MEG3: variants seen among roughly 807,000 people sequenced by gnomAD.
MEG3 encodes the protein Very putative protein from MEG3 locus.
At chr14:100,836,449 G>T in intron 2 of MEG3, 2 of 409,046 alleles carry the variant, frequency 4.9e-6, no homozygotes, top group Admixed American at 6.9e-5. Context: ...GGGGTCTGGG[G>T]GCCGGAGAGC....
chr14:100,852,774 AG>A (rs1409577568), upstream of MEG3: 1 of 223,324 alleles, frequency 4.5e-6, no homozygotes, highest in African/African-American at 2.3e-5. Flanking sequence ...GGAAATTGGA[AG>A]GAACAAGCGA....
At chr14:100,827,988 G>A (rs1003408320) in intron 1 of MEG3, among the ~76,000 whole-genome samples, 17 of 152,180 alleles carry the variant, frequency 1.1e-4, no homozygotes, top group African/African-American at 3.4e-4. Context: ...CGGTGGCTGG[G>A]GGCGCAGGAG....
chr14:100,832,996 G>T (rs2037441677), downstream of MEG3: 1 of 152,238 alleles, frequency 6.6e-6, no homozygotes, highest in African/African-American at 2.4e-5. Flanking sequence ...ACTCACTCAA[G>T]ATCACCAAGT....
rs560861888 is a variant in MEG3 at position 100,828,979 on chromosome 14, T to C, written n.481-55T>C. ...TGTAATTAATGAACTTAAACTGTAA[T>C]TATGATCTAGGCTTGGGCTTTTAAG... On this transcript the variant is annotated intron_variant and non_coding_transcript_variant, in intron 2 of 2. Transcript: ENST00000556407. The C allele has an allele frequency of 3.7e-4, 56 of 152,314 alleles. 1 individual carries two copies. Among genetic ancestry groups the C allele is most frequent in the African/African-American group, 1.1e-3 (45 of 41,574 alleles). The allele number at this position is 152,314 out of a possible 1,614,324, so 9.4% of individuals were successfully genotyped here. A position where few individuals can be genotyped will look rare whatever the true frequency, so the allele number is the denominator to read the frequency against.
intron 1 of MEG3, chr14:100,860,728 C>T (rs750881372): frequency 6.4e-5 from 29 of 456,566 alleles, no homozygotes; most frequent in African/African-American, 2.8e-4. Flanking sequence ...CCTATTCCCA[C>T]GGGACAGGCT....
At chr14:100,848,003 G>C (rs566029156) in intron 3 of MEG3, 5 of 152,276 alleles carry the variant, frequency 3.3e-5, no homozygotes, top group African/African-American at 1.2e-4. Flanking sequence ...GACGTTTGCG[G>C]GTGGCTTTTT....
downstream of MEG3, chr14:100,831,759 C>G (rs1464276668): frequency 2.0e-5 from 3 of 152,202 alleles, no homozygotes; most frequent in African/African-American, 4.8e-5. Context: ...ACCATGCCGT[C>G]TTAAGCAGTC....
downstream of MEG3, chr14:100,831,685 C>G (rs1280550081): frequency 6.6e-6 from 1 of 152,274 alleles, no homozygotes; most frequent in Non-Finnish European, 1.5e-5. Flanking sequence ...TCCCCCTTCT[C>G]TCGTTCTTAG....
chr14:100,860,712 C>T (rs1419912441), intron 1 of MEG3: 14 of 456,516 alleles, frequency 3.1e-5, no homozygotes, highest in Non-Finnish European at 4.8e-5. Flanking sequence ...ACGGGGACAC[C>T]CTGCACCTAT....
exon 1 of MEG3, chr14:100,860,298 A>C (rs1158892970): frequency 4.4e-6 from 1 of 229,080 alleles, no homozygotes; most frequent in South Asian, 4.9e-5. Flanking sequence ...ACCGAGTTTT[A>C]GGAAAAACAT....
chr14:100,842,747 A>G (rs2037798422), intron 2 of MEG3, among the ~76,000 whole-genome samples: 1 of 152,232 alleles, frequency 6.6e-6, no homozygotes, highest in African/African-American at 2.4e-5. Flanking sequence ...TTGCCTCCAG[A>G]AAAGAGGAAC....
upstream of MEG3, chr14:100,853,220 G>T (rs896294831): frequency 3.3e-5 from 5 of 152,104 alleles, no homozygotes; most frequent in Non-Finnish European, 5.9e-5. Context: ...AATTAATTCT[G>T]TCTCTTGACA....
rs898723826 is a variant in MEG3 at position 100,845,602 on chromosome 14, C to T, written n.3121+69C>T. The stretch of plus-strand genomic sequence containing the variant: ...TGAGGGTGGGGCCAGCTGCCCGGAG[C>T]ACACCGCCAGGCGGACCTCGTGGAG... On this transcript the variant is annotated intron_variant and non_coding_transcript_variant, in intron 3 of 3. Coordinates refer to the MEG3 transcript ENST00000398461. This position sits in a 1 kb window ranked among gnomAD's most constrained non-coding sequence, Gnocchi z 5.2. The T allele has an allele frequency of 6.9e-6, 3 of 434,154 alleles. No individual in the cohort carries two copies. Among genetic ancestry groups the T allele is most frequent in the Admixed American group, 2.4e-5 (1 of 40,826 alleles). The allele number at this position is 434,154 out of a possible 1,614,324, so 26.9% of individuals were successfully genotyped here. A position where few individuals can be genotyped will look rare whatever the true frequency, so the allele number is the denominator to read the frequency against.
downstream of MEG3, chr14:100,832,619 AAC>A (rs1317606797): frequency 3.3e-5 from 5 of 152,582 alleles, no homozygotes; most frequent in East Asian, 1.9e-4. Flanking sequence ...GCGAAGGAAA[AAC>A]ACACTGATTA....
At chr14:100,836,438 AG>A (rs1348050014) in intron 2 of MEG3, 2 of 418,478 alleles carry the variant, frequency 4.8e-6, no homozygotes, top group Admixed American at 3.3e-5. Context: ...CATCAGCCCC[AG>A]GGGTCTGGGG....
intron 2 of MEG3, among the ~76,000 whole-genome samples, chr14:100,843,431 A>G (rs2037818252): frequency 6.6e-6 from 1 of 152,174 alleles, no homozygotes; most frequent in Non-Finnish European, 1.5e-5. Flanking sequence ...AGTGGTGGTC[A>G]GTAGATAATG....
chr14:100,841,546 C>T (rs768446369), intron 2 of MEG3, among the ~76,000 whole-genome samples: 34 of 152,170 alleles, frequency 2.2e-4, no homozygotes, highest in Non-Finnish European at 3.5e-4. Context: ...CCCAGAGGCC[C>T]GGAGCCTTGC....
rs58102709 is a variant in MEG3, at chr14:100,860,980, G to A, written n.3344G>A. Reference sequence around the variant, plus strand: ...GCGGTTCCAAAGCACAGGGCTTGGCGCACCCCACTGTGCTCTCAATAAATG... The same window carrying A: ...GCGGTTCCAAAGCACAGGGCTTGGCACACCCCACTGTGCTCTCAATAAATG... On this transcript the variant is annotated non_coding_transcript_exon_variant, in exon 2 of 2. Transcript: ENST00000398460. 3.8e-3 allele frequency: 1,131 copies of A among 300,730 alleles called. 11 individuals carry two copies. Among genetic ancestry groups the A allele is most frequent in the African/African-American group, 0.024 (1,072 of 44,164 alleles). 18.6% of individuals were successfully genotyped at this position (300,730 alleles called of 1,614,324 possible). A position where few individuals can be genotyped will look rare whatever the true frequency, so the allele number is the denominator to read the frequency against.
chr14:100,841,365 C>A (rs1280193936), intron 2 of MEG3, among the ~76,000 whole-genome samples: 2 of 152,230 alleles, frequency 1.3e-5, no homozygotes, highest in Non-Finnish European at 2.9e-5. Flanking sequence ...TCAGTTTTCC[C>A]GTCTACGAAA....
Sources: gnomAD v4.1 joint callset for allele counts (sites outside exome capture counted in the v4.1 genomes callset) on GRCh38, gnomAD v4.1.1 for gene constraint, Gnocchi (gnomAD v3.1) non-coding constraint, MANE v1.5 for transcripts, NCBI Gene and HGNC (gene_info 2026-07-23, HGNC 2026-07-21) for gene names.